Variants in CENPO observed in about 807,000 individuals in gnomAD.
CENPO encodes centromeric protein O.
Under a neutral mutation model 36.1 loss-of-function variants are expected in CENPO, and 30 were observed. The ratio of observed to expected loss-of-function variants is 0.83; its 90% CI spans 0.62 to 1.13. The LOEUF (loss-of-function observed/expected upper bound fraction) is 1.13. CENPO is among the 50% of genes most tolerant of loss of function. The probability of loss-of-function intolerance (pLI) is 0.00; values close to 1 mark genes in which losing one functional copy is unlikely to be tolerated. For missense variants in CENPO, 349 were observed against 357.8 expected, an observed-to-expected ratio of 0.98 and a Z score of 0.20; for synonymous variants, 171 against 142.3, an observed-to-expected ratio of 1.20 and a Z score of -1.44.
chr2:24,804,621 G>A (rs1666300043), intron 3 of CENPO, among the ~76,000 whole-genome samples: 1 of 152,136 alleles, frequency 6.6e-6, no homozygotes, highest in Non-Finnish European at 1.5e-5. Flanking sequence ...TCTGGGATGA[G>A]AATTCTTTTC....
At position 24,799,810 on chromosome 2, in the gene CENPO, A is replaced by T. The variant is rs927751001; in HGVS notation, c.182A>T (p.Glu61Val). ...KIHKLRRLRD[E>V]LRAVVRHRRA... ...CATAAACTAAGGCGTCTGCGAGATG[A>T]GCTGAGGGCTGTGGTGCGGCACCGG... The change falls in exon 3 of 8, where the codon GAG becomes GTG. Residue 61 changes from glutamate to valine, a missense_variant. By Grantham distance (121) the Glu-to-Val change is moderately radical. Transcript: ENST00000380834. 3.7e-6 allele frequency: 6 copies of T among 1,613,642 alleles called. No homozygotes were observed. Among genetic ancestry groups the T allele is most frequent in the Non-Finnish European group, 5.1e-6 (6 of 1,180,002 alleles).
In CENPO at chr2:24,801,511, G is replaced by A. The variant is rs966145005; in HGVS notation, c.216+1667G>A. On this transcript the variant is annotated intron_variant, in intron 3 of 7. Transcript: ENST00000380834. ...TCTTGAATTAATTTTTGTATAAGGT[G>A]TAAGGAAGGGATCCAGTTTCAGCTT... Among the ~76,000 whole-genome samples the A allele has an allele frequency of 2.1e-3, 324 of 152,244 alleles. 1 individual carries two copies. The highest frequency in any genetic ancestry group is 7.4e-3 in the African/African-American group (308 of 41,514).
chr2:24,799,669 C>A lies in CENPO; in HGVS notation c.47-6C>A. 1 of 1,610,368 alleles carries A rather than the reference C, an allele frequency of 6.2e-7. No individual in the cohort carries two copies. The highest frequency in any genetic ancestry group is 1.1e-5 in the South Asian group (1 of 90,758). Reference sequence around the variant, plus strand: ...TCTTGTAAAATTCTCCTTTTACTCTCCTTAGGTGTTTTAGCTCACTTGGAA... The same window carrying A: ...TCTTGTAAAATTCTCCTTTTACTCTACTTAGGTGTTTTAGCTCACTTGGAA... On this transcript the variant is annotated splice_region_variant and splice_polypyrimidine_tract_variant and intron_variant, in intron 2 of 7. Coordinates refer to ENST00000380834, the MANE Select transcript of CENPO (RefSeq NM_001322101.2).
intron 7 of CENPO, among the ~76,000 whole-genome samples, chr2:24,819,016 CAG>C (rs1337268965): frequency 6.6e-6 from 1 of 152,220 alleles, no homozygotes; most frequent in Non-Finnish European, 1.5e-5. Context: ...ATAAAAGAGA[CAG>C]GGCCAGGCAG....
At chr2:24,802,228 C>T (rs2148261168) in intron 3 of CENPO, among the ~76,000 whole-genome samples, 1 of 152,182 alleles carries the variant, frequency 6.6e-6, no homozygotes, top group Middle Eastern at 3.4e-3. Context: ...AGATTTTGGG[C>T]TGAGACAATG....
chr2:24,810,047 CA>C (rs34117565), intron 3 of CENPO, among the ~76,000 whole-genome samples: 60 of 133,668 alleles, frequency 4.5e-4, no homozygotes, highest in African/African-American at 5.9e-4. Context: ...AACTATGTCT[CA>C]AAAAAAAAAA....
At chr2:24,811,525 G>A (rs1477307815) in intron 3 of CENPO, among the ~76,000 whole-genome samples, 2 of 150,376 alleles carry the variant, frequency 1.3e-5, no homozygotes, top group African/African-American at 4.9e-5. Context: ...GCAGTGGTGC[G>A]GTCTCGGCTC....
At chr2:24,812,997 G>C (rs1332236504) in intron 3 of CENPO, among the ~76,000 whole-genome samples, 2 of 149,608 alleles carry the variant, frequency 1.3e-5, no homozygotes, top group African/African-American at 4.9e-5. Context: ...TGTAATCCCA[G>C]CACTTTGGGA....
Position 24,821,050 on chromosome 2 carries a change from C to G in CENPO, c.*1732C>G, listed in dbSNP as rs544274474. 2.3e-3 allele frequency: 1,529 copies of G among 658,300 alleles called. 22 individuals are homozygous for G. Among genetic ancestry groups the G allele is most frequent in the South Asian group, 0.016 (751 of 47,308 alleles). 40.8% of individuals were successfully genotyped at this position (658,300 alleles called of 1,614,324 possible). ...TGCTTGTTAGGTGTCAGCCGCCACC[C>G]CCCCCCCATATGCAGATTTACTCGG... is the stretch of plus-strand genomic sequence containing the variant. On this transcript the variant is annotated 3_prime_UTR_variant, in exon 8 of 8. Coordinates refer to ENST00000380834, the MANE Select transcript of CENPO (RefSeq NM_001322101.2).
chr2:24,798,446 G>T (rs982955545), intron 2 of CENPO, among the ~76,000 whole-genome samples: 1 of 152,088 alleles, frequency 6.6e-6, no homozygotes, highest in African/African-American at 2.4e-5. Flanking sequence ...TATAGTGCGT[G>T]TCTGTTTCTA....
Position 24,821,692 on chromosome 2 carries a change from C to T in CENPO, c.*2374C>T. 1 of 1,593,500 alleles carries T rather than the reference C, an allele frequency of 6.3e-7. No individual in the cohort carries two copies. Among genetic ancestry groups the T allele is most frequent in the Non-Finnish European group, 8.6e-7 (1 of 1,167,600 alleles). On this transcript the variant is annotated 3_prime_UTR_variant, in exon 8 of 8. Coordinates refer to ENST00000380834, the MANE Select transcript of CENPO (RefSeq NM_001322101.2). ...GTCAGGGGCCGCTCACTGCAGCAGC[C>T]TGCTCTGCTGCCTTCCCTGGCAGTG...
chr2:24,805,514 C>T (rs1439488221), intron 3 of CENPO, among the ~76,000 whole-genome samples: 1 of 152,178 alleles, frequency 6.6e-6, no homozygotes, highest in Non-Finnish European at 1.5e-5. Flanking sequence ...GTGTGGATGT[C>T]CTTTCTGTTT....
In CENPO at chr2:24,821,140, G is replaced by A; in HGVS notation, c.*1822G>A. The A allele has an allele frequency of 2.3e-6, 1 of 444,278 alleles. No individual in the cohort carries two copies. Among genetic ancestry groups the A allele is most frequent in the Non-Finnish European group, 4.0e-6 (1 of 248,640 alleles). The allele number at this position is 444,278 out of a possible 1,614,324, so 27.5% of individuals were successfully genotyped here. On this transcript the variant is annotated 3_prime_UTR_variant, in exon 8 of 8. Transcript: ENST00000380834. Reference sequence around the variant, plus strand: ...GTCTCCTGGGACCTCACTCAGGAATGATACCCCCTCAGTAGAAGCAGCAGG... The same window carrying A: ...GTCTCCTGGGACCTCACTCAGGAATAATACCCCCTCAGTAGAAGCAGCAGG...
rs370541155 is a variant in CENPO at position 24,794,015 on chromosome 2, G to A, written c.46+50G>A. The A allele has an allele frequency of 9.9e-5, 142 of 1,435,998 alleles. No homozygotes were observed. The African/African-American group carries it at 1.5e-3, about 16-fold the overall frequency. 89.0% of individuals were successfully genotyped at this position (1,435,998 alleles called of 1,614,324 possible). A position where few individuals can be genotyped will look rare whatever the true frequency, so the allele number is the denominator to read the frequency against. On this transcript the variant is annotated intron_variant, in intron 2 of 7. Coordinates refer to ENST00000380834, the MANE Select transcript of CENPO (RefSeq NM_001322101.2). ...TCCTGCTGCTGCCCAAAGATGACCCGCAGGCTGAGAGAGCCCTTTCCTCCT... is the reference window on the plus strand; with the variant it reads ...TCCTGCTGCTGCCCAAAGATGACCCACAGGCTGAGAGAGCCCTTTCCTCCT...
At chr2:24,802,986 A>C (rs2148262724) in intron 3 of CENPO, among the ~76,000 whole-genome samples, 1 of 152,314 alleles carries the variant, frequency 6.6e-6, no homozygotes, top group East Asian at 1.9e-4. Context: ...TAGGCTATTA[A>C]TTATTGCCTC....
At position 24,820,078 on chromosome 2, in the gene CENPO, C is replaced by A. The variant is rs149824724; in HGVS notation, c.*760C>A. 8.9e-6 allele frequency: 14 copies of A among 1,575,032 alleles called. No individual in the cohort carries two copies. Among genetic ancestry groups the A allele is most frequent in the Non-Finnish European group, 1.2e-5 (14 of 1,161,064 alleles). On this transcript the variant is annotated 3_prime_UTR_variant, in exon 8 of 8. Transcript: ENST00000380834. ...GGGCCTCGCCTCACAAAGCGGAAGC[C>A]GTACTCTCGGAGGATGACTTGGGTT...
chr2:24,820,164 C>T lies in CENPO; in HGVS notation c.*846C>T. 3.8e-6 allele frequency: 4 copies of T among 1,039,130 alleles called. No homozygotes were observed. Among genetic ancestry groups the T allele is most frequent in the East Asian group, 3.4e-5 (1 of 28,986 alleles). 64.4% of individuals were successfully genotyped at this position (1,039,130 alleles called of 1,614,324 possible). A position where few individuals can be genotyped will look rare whatever the true frequency, so the allele number is the denominator to read the frequency against. The stretch of plus-strand genomic sequence containing the variant: ...CGTGGCGTTACGGGGGGAGCCTAGA[C>T]TGAGGGCGGGTGGGGGCTTTGGGTG... On this transcript the variant is annotated 3_prime_UTR_variant, in exon 8 of 8. Coordinates refer to ENST00000380834, the MANE Select transcript of CENPO (RefSeq NM_001322101.2).
chr2:24,819,152 A>T (rs1334811788), intron 7 of CENPO: 1 of 152,708 alleles, frequency 6.5e-6, no homozygotes, highest in African/African-American at 2.4e-5. Flanking sequence ...TGATATTAAC[A>T]GAATTTCCAC....
Position 24,820,658 on chromosome 2 carries a change from A to G in CENPO, c.*1340A>G. The stretch of plus-strand genomic sequence containing the variant: ...GGGTGGGAGGCAGGGGCACGTGGGA[A>G]AGCACTGTTCCGGTTTTGTTCTCAT... On this transcript the variant is annotated 3_prime_UTR_variant, in exon 8 of 8. Coordinates refer to ENST00000380834, the MANE Select transcript of CENPO (RefSeq NM_001322101.2). 1 of 1,600,312 alleles carries G rather than the reference A, an allele frequency of 6.2e-7. No individual in the cohort carries two copies. Among genetic ancestry groups the G allele is most frequent in the Non-Finnish European group, 8.5e-7 (1 of 1,171,274 alleles).
Sources: allele counts gnomAD v4.1 joint callset (sites outside exome capture counted in the v4.1 genomes callset), GRCh38; gene constraint gnomAD v4.1.1; transcripts MANE v1.5; gene names NCBI Gene and HGNC (gene_info 2026-07-23, HGNC 2026-07-21).